MIPOL1: variants seen among roughly 807,000 people sequenced by gnomAD.
The protein encoded by MIPOL1 is mirror-image polydactyly gene 1 protein.
In MIPOL1, 57 loss-of-function variants were observed where a neutral mutation model predicts 60.9. The observed-to-expected ratio is 0.94, with a 90% CI of 0.76 to 1.17. MIPOL1 has a LOEUF of 1.17. MIPOL1 is among the 50% of genes most tolerant of loss of function. The pLI is 0.00. For synonymous variants in MIPOL1, 179 were observed against 168.8 expected (o/e 1.06, Z -0.47); for missense variants, 551 against 511.6 (o/e 1.08, Z -0.74).
At chr14:37,329,217 A>G (rs1186974137) in intron 9 of MIPOL1, among the ~76,000 whole-genome samples, 1 of 152,102 alleles carries the variant, frequency 6.6e-6, no homozygotes, top group Non-Finnish European at 1.5e-5. Context: ...ATACACATCC[A>G]TAAAACAACT....
chr14:37,215,004 A>G (rs1023217052), intron 1 of MIPOL1, among the ~76,000 whole-genome samples: 1 of 152,120 alleles, frequency 6.6e-6, no homozygotes, highest in African/African-American at 2.4e-5. Context: ...GCTGTGCTTC[A>G]GTGGTCATGC....
chr14:37,507,935 C>T (rs2095293911), intron 12 of MIPOL1: 2 of 152,078 alleles, frequency 1.3e-5, no homozygotes, highest in Admixed American at 1.3e-4. Context: ...CTTCTGATTT[C>T]CAACAGTAAG....
chr14:37,308,105 A>T lies in MIPOL1; in HGVS notation c.657+16A>T. 6.2e-7 allele frequency: 1 copy of T among 1,607,238 alleles called. No homozygotes were observed. Among genetic ancestry groups the T allele is most frequent in the Non-Finnish European group, 8.5e-7 (1 of 1,176,102 alleles). ...AAATGACATGGTAAGCCATTCTCTG[A>T]GGAGATTTCTTGATGTCAGTCTTAT... On this transcript the variant is annotated intron_variant, in intron 8 of 12. Coordinates refer to ENST00000684589, the MANE Select transcript of MIPOL1 (RefSeq NM_001388067.1).
intron 11 of MIPOL1, among the ~76,000 whole-genome samples, chr14:37,487,382 C>T (rs922217433): frequency 6.6e-6 from 1 of 152,136 alleles, no homozygotes; most frequent in African/African-American, 2.4e-5. Context: ...CCCTCTTTTT[C>T]TGTTCTTTGC....
intron 10 of MIPOL1, among the ~76,000 whole-genome samples, chr14:37,406,937 C>T (rs918645591): frequency 6.6e-6 from 1 of 151,970 alleles, no homozygotes; most frequent in Admixed American, 6.6e-5. Context: ...AGTAAAGTAA[C>T]GGGCATCTAA....
intron 11 of MIPOL1, among the ~76,000 whole-genome samples, chr14:37,449,522 A>G (rs1566625141): frequency 6.6e-6 from 1 of 152,174 alleles, no homozygotes; most frequent in Non-Finnish European, 1.5e-5. Flanking sequence ...TTGCTTTTAT[A>G]CAAGTTGATG....
chr14:37,418,787 G>C (rs1270652107), intron 10 of MIPOL1, among the ~76,000 whole-genome samples: 1 of 152,054 alleles, frequency 6.6e-6, no homozygotes, highest in Non-Finnish European at 1.5e-5. Flanking sequence ...TCGAAAGAAT[G>C]CCTAACTGAT....
chr14:37,377,676 C>T (rs1197040835), intron 10 of MIPOL1, among the ~76,000 whole-genome samples: 2 of 151,600 alleles, frequency 1.3e-5, no homozygotes, highest in Non-Finnish European at 2.9e-5. Context: ...CAAGCTTTCC[C>T]CTGCCAAAAA....
intron 7 of MIPOL1, among the ~76,000 whole-genome samples, chr14:37,286,107 C>G (rs1490675141): frequency 1.3e-5 from 2 of 152,176 alleles, no homozygotes; most frequent in Admixed American, 1.3e-4. Flanking sequence ...CTATCTGAGT[C>G]TTTCACTGCT....
At chr14:37,325,057 A>C (rs2089000811) in intron 9 of MIPOL1, among the ~76,000 whole-genome samples, 1 of 152,052 alleles carries the variant, frequency 6.6e-6, no homozygotes, top group African/African-American at 2.4e-5. Context: ...CAGATTTTTA[A>C]TTTCTACAAA....
chr14:37,241,435 A>G (rs949918425), intron 1 of MIPOL1, among the ~76,000 whole-genome samples: 1 of 152,004 alleles, frequency 6.6e-6, no homozygotes, highest in African/African-American at 2.4e-5. Flanking sequence ...ACATAAAATT[A>G]GGCTAGGTTC....
At chr14:37,318,928 G>A (rs559696864) in intron 9 of MIPOL1, among the ~76,000 whole-genome samples, 1 of 152,030 alleles carries the variant, frequency 6.6e-6, no homozygotes, top group South Asian at 2.1e-4. Flanking sequence ...CAGCCTTGAC[G>A]TCCCAGGCTC....
At chr14:37,524,484 GAATTTCAGTAGTATGTA>G (rs1016428355) in intron 12 of MIPOL1, among the ~76,000 whole-genome samples, 5 of 151,658 alleles carry the variant, frequency 3.3e-5, no homozygotes, top group African/African-American at 1.2e-4. Flanking sequence ...TTAGCAGGTT[GAATTTCAGTAGTATGTA>G]AATTTCAGTA....
At chr14:37,488,828 C>G (rs980771896) in intron 11 of MIPOL1, among the ~76,000 whole-genome samples, 2 of 152,078 alleles carry the variant, frequency 1.3e-5, no homozygotes, top group East Asian at 1.9e-4. Flanking sequence ...GATGGGCTTC[C>G]CTTTGTGGGT....
At chr14:37,347,941 A>G (rs1253525490) in intron 9 of MIPOL1, among the ~76,000 whole-genome samples, 1 of 152,162 alleles carries the variant, frequency 6.6e-6, no homozygotes, top group Non-Finnish European at 1.5e-5. Context: ...TTCATGGGGT[A>G]CATGTGCAGG....
At chr14:37,309,975 C>T (rs1216630309) in intron 9 of MIPOL1, among the ~76,000 whole-genome samples, 4 of 152,062 alleles carry the variant, frequency 2.6e-5, no homozygotes, top group Non-Finnish European at 5.9e-5. Context: ...AGATGTGAGC[C>T]ACCACGCCTG....
intron 11 of MIPOL1, among the ~76,000 whole-genome samples, chr14:37,476,293 T>TTTGG (rs961988228): frequency 1.2e-4 from 18 of 152,292 alleles, no homozygotes; most frequent in African/African-American, 1.4e-4. Context: ...TATTTGTTTG[T>TTTGG]TTGGTTGGTT....
At chr14:37,347,699 TATC>T (rs934600186) in intron 9 of MIPOL1, among the ~76,000 whole-genome samples, 16 of 152,142 alleles carry the variant, frequency 1.1e-4, no homozygotes, top group African/African-American at 3.9e-4. Flanking sequence ...AGAAAAAACA[TATC>T]AACCTACAAA....
At chr14:37,233,507 C>G (rs1026759116) in intron 1 of MIPOL1, among the ~76,000 whole-genome samples, 12 of 152,134 alleles carry the variant, frequency 7.9e-5, no homozygotes, top group Admixed American at 2.6e-4. Flanking sequence ...TAGTCCATCC[C>G]TAAAGAACTG....
Sources: allele counts gnomAD v4.1 joint callset (sites outside exome capture counted in the v4.1 genomes callset), GRCh38; gene constraint gnomAD v4.1.1; transcripts MANE v1.5; gene names NCBI Gene and HGNC (gene_info 2026-07-23, HGNC 2026-07-21).